MEOX1: variants seen among roughly 807,000 people sequenced by gnomAD.
MEOX1 encodes homeobox protein MOX-1.
A neutral mutation model predicts 23.2 loss-of-function variants in MEOX1; 17 were observed. The observed-to-expected ratio is 0.73, with a 90% CI of 0.50 to 1.10. The LOEUF (loss-of-function observed/expected upper bound fraction) is 1.10. Ranked by LOEUF, MEOX1 falls within the 50% of genes least tolerant of loss-of-function variation. The pLI, the probability that MEOX1 is intolerant of heterozygous loss-of-function variation, is 0.00. For missense variants in MEOX1, 333 were observed against 332.2 expected, an observed-to-expected ratio of 1.00 and a Z score of -0.02; for synonymous variants, 134 against 135.1, an observed-to-expected ratio of 0.99 and a Z score of 0.06.
At position 43,641,164 on chromosome 17, in the gene MEOX1, T is replaced by G. The variant is rs1179430053; in HGVS notation, c.*746A>C. The G allele has an allele frequency of 5.2e-4, 79 of 152,200 alleles. 1 individual carries two copies. Among genetic ancestry groups the G allele is most frequent in the Non-Finnish European group, 1.3e-4 (9 of 67,982 alleles). 9.4% of individuals were successfully genotyped at this position (152,200 alleles called of 1,614,324 possible). A position where few individuals can be genotyped will look rare whatever the true frequency, so the allele number is the denominator to read the frequency against. On this transcript the variant is annotated 3_prime_UTR_variant, in exon 3 of 3. Coordinates refer to ENST00000318579, the MANE Select transcript of MEOX1 (RefSeq NM_004527.4). ...TTGATTTTGATTTTGAAGCAGCAGG[T>G]GCTGTCATGGGTTCATTCTTGTCCA...
intron 1 of MEOX1, among the ~76,000 whole-genome samples, chr17:43,655,926 C>G (rs991427899): frequency 6.6e-6 from 1 of 152,106 alleles, no homozygotes; most frequent in Non-Finnish European, 1.5e-5. Flanking sequence ...TTCTAGAAAT[C>G]GATTGCACAA....
intron 1 of MEOX1, among the ~76,000 whole-genome samples, chr17:43,646,956 C>T (rs1176781359): frequency 6.6e-6 from 1 of 152,188 alleles, no homozygotes; most frequent in African/African-American, 2.4e-5. Context: ...CATTGCTCTC[C>T]AGCCTGGGCA....
At chr17:43,656,396 T>C (rs977130988) in intron 1 of MEOX1, among the ~76,000 whole-genome samples, 6 of 149,992 alleles carry the variant, frequency 4.0e-5, no homozygotes, top group East Asian at 3.9e-4. Flanking sequence ...GCAGGGGTAG[T>C]GGAGGGGACC....
rs568971726 is a variant in MEOX1, at chr17:43,645,699, C to T, written c.470-2039G>A. Among the ~76,000 whole-genome samples the T allele has an allele frequency of 6.6e-5, 10 of 152,348 alleles. No homozygotes were observed. In the South Asian group the frequency reaches 2.1e-3, roughly 32 times the overall value. ...GTGTAAAGCAGAGAAGCCGCCTATG[C>T]AGTCGGCTAAGCAGCCGCATTGGGA... is the stretch of plus-strand genomic sequence containing the variant. On this transcript the variant is annotated intron_variant, in intron 1 of 2. Transcript: ENST00000318579.
At chr17:43,646,788 C>T (rs148853262) in intron 1 of MEOX1, among the ~76,000 whole-genome samples, 23,846 of 152,110 alleles carry the variant, frequency 0.16, 2,085 homozygotes, top group East Asian at 0.22. Flanking sequence ...CCAGCCTGAC[C>T]AACATGGAGA....
rs953302668 is a variant in MEOX1 at position 43,640,799 on chromosome 17, C to T, written c.*1111G>A. On this transcript the variant is annotated 3_prime_UTR_variant, in exon 3 of 3. Transcript: ENST00000318579. ...AACCTAGCATTTCCTCCCACAATAA[C>T]AGCATTTGTAGAACACACAGCAAGA... 2 of 152,204 alleles carry T rather than the reference C, an allele frequency of 1.3e-5. No individual in the cohort carries two copies. The highest frequency in any genetic ancestry group is 2.4e-5 in the African/African-American group (1 of 41,448). The allele number at this position is 152,204 out of a possible 1,614,324, so 9.4% of individuals were successfully genotyped here.
At chr17:43,645,319 G>C (rs1972785753) in intron 1 of MEOX1, among the ~76,000 whole-genome samples, 1 of 151,892 alleles carries the variant, frequency 6.6e-6, no homozygotes, top group Non-Finnish European at 1.5e-5. Flanking sequence ...TGGGACTACA[G>C]GCGCCCGCCA....
Position 43,661,166 on chromosome 17 carries a change from C to T in MEOX1, c.369G>A (p.Leu123=), listed in dbSNP as rs780499747. The change falls in exon 1 of 3, where the codon CTG becomes CTA. Residue 123 remains leucine, a synonymous_variant. Coordinates refer to ENST00000318579, the MANE Select transcript of MEOX1 (RefSeq NM_004527.4). ...CGCCTGGGCCTCCTGTGGTGTCCACCAGGCCCAGGCTGCTGGTCCCCATTT... is the reference window on the plus strand; with the variant it reads ...CGCCTGGGCCTCCTGTGGTGTCCACTAGGCCCAGGCTGCTGGTCCCCATTT... ...SKEMGTSSLG[L]VDTTGGPGDD... is the part of the protein sequence containing the mutation. The T allele has an allele frequency of 1.6e-5, 26 of 1,591,384 alleles. No individual in the cohort carries two copies. The highest frequency in any genetic ancestry group is 1.9e-5 in the Non-Finnish European group (22 of 1,168,864).
chr17:43,645,023 T>A (rs375394021), intron 1 of MEOX1, among the ~76,000 whole-genome samples: 1 of 152,122 alleles, frequency 6.6e-6, no homozygotes, highest in Non-Finnish European at 1.5e-5. Context: ...CTACCTTCAC[T>A]TTAATGAATG....
chr17:43,649,650 C>T (rs968765249), intron 1 of MEOX1, among the ~76,000 whole-genome samples: 7 of 152,154 alleles, frequency 4.6e-5, no homozygotes, highest in Non-Finnish European at 7.4e-5. Flanking sequence ...CAATTCCAGG[C>T]ACAACAACTA....
At chr17:43,650,692 T>C (rs1396266739) in intron 1 of MEOX1, among the ~76,000 whole-genome samples, 1 of 152,196 alleles carries the variant, frequency 6.6e-6, no homozygotes, top group African/African-American at 2.4e-5. Context: ...GAAAACGGTG[T>C]CTGTGGCTTC....
At chr17:43,654,569 C>T (rs1972978125) in intron 1 of MEOX1, among the ~76,000 whole-genome samples, 1 of 151,978 alleles carries the variant, frequency 6.6e-6, no homozygotes, top group Admixed American at 6.6e-5. Flanking sequence ...ACCTGTAATC[C>T]TAGCACTTTG....
At chr17:43,646,935 C>G (rs553158965) in intron 1 of MEOX1, among the ~76,000 whole-genome samples, 1 of 152,266 alleles carries the variant, frequency 6.6e-6, no homozygotes, top group East Asian at 1.9e-4. Context: ...TGCGGTGAGC[C>G]GAGATTGCGC....
At chr17:43,652,050 C>A (rs1972928007) in intron 1 of MEOX1, among the ~76,000 whole-genome samples, 2 of 152,206 alleles carry the variant, frequency 1.3e-5, no homozygotes, top group African/African-American at 4.8e-5. Flanking sequence ...CTGCTTTGGG[C>A]TCTGAGCTTT....
At chr17:43,657,001 T>C (rs901112304) in intron 1 of MEOX1, among the ~76,000 whole-genome samples, 1 of 119,740 alleles carries the variant, frequency 8.4e-6, no homozygotes, top group African/African-American at 4.5e-5. Context: ...TTTCTTTTTC[T>C]TTCTTTCTTT....
intron 1 of MEOX1, among the ~76,000 whole-genome samples, chr17:43,659,013 T>C (rs576284961): frequency 1.3e-5 from 2 of 152,348 alleles, no homozygotes; most frequent in Non-Finnish European, 2.9e-5. Context: ...GGTGTCCCTG[T>C]ACTCCTGGGT....
rs190431957 is a variant in MEOX1 at position 43,648,783 on chromosome 17, C to A, written c.470-5123G>T. 1.9e-3 allele frequency among the ~76,000 whole-genome samples: 291 copies of A among 152,328 alleles called. 1 individual carries two copies. Among genetic ancestry groups the A allele is most frequent in the African/African-American group, 5.7e-3 (237 of 41,574 alleles). On this transcript the variant is annotated intron_variant, in intron 1 of 2. Transcript: ENST00000318579. ...TCAGCTCCTAGTTCCTCCCTTCAGT[C>A]AGATCTGAGGTCTTGCTGTGTGCTC...
chr17:43,651,054 C>T (rs1404460269), intron 1 of MEOX1, among the ~76,000 whole-genome samples: 3 of 152,160 alleles, frequency 2.0e-5, no homozygotes, highest in Admixed American at 1.3e-4. Flanking sequence ...CGCGGTGGCT[C>T]ACACCTGTAA....
chr17:43,643,384 G>T, intron 2 of MEOX1, 104 bp downstream of exon 2: 1 of 1,112,786 alleles, frequency 9.0e-7, no homozygotes. Flanking sequence ...CGCTGGACTG[G>T]CTGGAGGAAG....
Sources: gnomAD v4.1 joint callset for allele counts (sites outside exome capture counted in the v4.1 genomes callset) on GRCh38, gnomAD v4.1.1 for gene constraint, MANE v1.5 for transcripts, NCBI Gene and HGNC (gene_info 2026-07-23, HGNC 2026-07-21) for gene names.